The following ATP11B variants were observed in gnomAD, a reference collection of about 807,000 sequenced individuals.
The protein encoded by ATP11B is phospholipid-transporting ATPase IF.
In ATP11B, 81 loss-of-function variants were observed where a neutral mutation model predicts 157.8. That is an observed-to-expected ratio of 0.51 (90% CI 0.43 to 0.62). The LOEUF (loss-of-function observed/expected upper bound fraction) is 0.62, where lower values mean the gene tolerates loss of function less well. Ranked by LOEUF, ATP11B falls within the 20% of genes least tolerant of loss-of-function variation. The probability of loss-of-function intolerance (pLI) is 0.00; values close to 1 mark genes in which losing one functional copy is unlikely to be tolerated. For synonymous variants in ATP11B, 451 were observed against 469.4 expected (o/e 0.96, Z 0.51); for missense variants, 1,165 against 1,402.2 (o/e 0.83, Z 2.70).
intron 1 of ATP11B, among the ~76,000 whole-genome samples, chr3:182,819,618 A>G (rs1317484406): frequency 1.3e-5 from 2 of 152,216 alleles, no homozygotes; most frequent in Non-Finnish European, 2.9e-5. Flanking sequence ...TCTCTATTTC[A>G]GTAAGTCAAT....
chr3:182,861,056 A>G (rs1720793080), intron 12 of ATP11B, among the ~76,000 whole-genome samples: 1 of 143,182 alleles, frequency 7.0e-6, no homozygotes, highest in African/African-American at 2.6e-5. Context: ...CAACACAAAA[A>G]CAATAATACT....
At chr3:182,858,665 T>G (rs1012251757) in intron 11 of ATP11B, among the ~76,000 whole-genome samples, 3 of 152,170 alleles carry the variant, frequency 2.0e-5, no homozygotes, top group Admixed American at 6.5e-5. Flanking sequence ...TATTGAAATA[T>G]GGAGCCGCTA....
In ATP11B at chr3:182,920,422, T is replaced by C. The variant is rs576436640; in HGVS notation, c.*2318T>C. ...GCAGTCTGCAAGCTTTCAGTAGTTTTCTAGTGCTATATTCATCCTGTAAAA... is the reference window on the plus strand; with the variant it reads ...GCAGTCTGCAAGCTTTCAGTAGTTTCCTAGTGCTATATTCATCCTGTAAAA... On this transcript the variant is annotated 3_prime_UTR_variant, in exon 30 of 30. Transcript: ENST00000323116. 2.6e-5 allele frequency: 4 copies of C among 152,310 alleles called. No individual in the cohort carries two copies. The highest frequency in any genetic ancestry group is 3.9e-4 in the East Asian group (2 of 5,186). The allele number at this position is 152,310 out of a possible 1,614,324, so 9.4% of individuals were successfully genotyped here. A position where few individuals can be genotyped will look rare whatever the true frequency, so the allele number is the denominator to read the frequency against.
intron 10 of ATP11B, among the ~76,000 whole-genome samples, chr3:182,854,800 C>CT (rs1720252459): frequency 7.5e-6 from 1 of 132,882 alleles, no homozygotes; most frequent in Non-Finnish European, 1.6e-5. Flanking sequence ...CACACACACA[C>CT]CTGCCTACAA....
rs76412490 is a variant in ATP11B at position 182,852,294 on chromosome 3, A to G, written c.851+3737A>G. Among the ~76,000 whole-genome samples, 1,426 of 152,374 alleles carry G rather than the reference A, an allele frequency of 9.4e-3. 11 individuals carry two copies. The highest frequency in any genetic ancestry group is 0.015 in the Non-Finnish European group (1,019 of 68,036). On this transcript the variant is annotated intron_variant, in intron 10 of 29. Transcript: ENST00000323116. ...CCAGCTTAGAGGGAAATTTCTAGCT[A>G]TAAAGTTGACAAATTCCTGCTGAGA...
chr3:182,881,399 A>G (rs1195126354), intron 21 of ATP11B, among the ~76,000 whole-genome samples: 1 of 151,992 alleles, frequency 6.6e-6, no homozygotes, highest in Admixed American at 6.6e-5. Context: ...GAGGCAGGAG[A>G]ATTGCTTGAA....
At position 182,826,144 on chromosome 3, in the gene ATP11B, A is replaced by G. The variant is rs546726154; in HGVS notation, c.145-1976A>G. ...TACTAGAGTTCTCCCTCTCTATACAATAGGACAAGCACAGAATTTAGACTC... is the reference window on the plus strand; with the variant it reads ...TACTAGAGTTCTCCCTCTCTATACAGTAGGACAAGCACAGAATTTAGACTC... On this transcript the variant is annotated intron_variant, in intron 2 of 29. Coordinates refer to ENST00000323116, the MANE Select transcript of ATP11B (RefSeq NM_014616.3). Among the ~76,000 whole-genome samples the G allele has an allele frequency of 4.8e-4, 73 of 152,330 alleles. 1 individual carries two copies. Among genetic ancestry groups the G allele is most frequent in the African/African-American group, 1.8e-3 (73 of 41,572 alleles).
At chr3:182,852,031 A>G (rs946375080) in intron 10 of ATP11B, among the ~76,000 whole-genome samples, 2 of 152,244 alleles carry the variant, frequency 1.3e-5, no homozygotes, top group Admixed American at 1.3e-4. Context: ...TAGACAGATC[A>G]TATGATGTGC....
intron 10 of ATP11B, among the ~76,000 whole-genome samples, chr3:182,853,676 A>T (rs1720156828): frequency 6.6e-6 from 1 of 152,236 alleles, no homozygotes; most frequent in Non-Finnish European, 1.5e-5. Context: ...AACTAAATAA[A>T]TGGAGAAATC....
At chr3:182,810,072 C>T in intron 1 of ATP11B, among the ~76,000 whole-genome samples, 1 of 152,216 alleles carries the variant, frequency 6.6e-6, no homozygotes, top group Middle Eastern at 3.4e-3. Flanking sequence ...CAGCCGGTCA[C>T]GGTGGCTCAT....
At position 182,874,024 on chromosome 3, in the gene ATP11B, A is replaced by G. The variant is rs892725751; in HGVS notation, c.2252+9A>G. 12 of 1,611,902 alleles carry G rather than the reference A, an allele frequency of 7.4e-6. 1 individual carries two copies. The highest frequency in any genetic ancestry group is 4.5e-5 in the East Asian group (2 of 44,804). ...AGGCAGCTTGCCAGAAGGTAAGAAT[A>G]TAGGAACCTGTATCATACCTTTCAG... On this transcript the variant is annotated intron_variant, in intron 19 of 29. Transcript: ENST00000323116.
At chr3:182,856,294 TTAAA>T (rs1316147347) in intron 10 of ATP11B, among the ~76,000 whole-genome samples, 2 of 152,148 alleles carry the variant, frequency 1.3e-5, no homozygotes, top group African/African-American at 2.4e-5. Flanking sequence ...AGTTTTAAAT[TTAAA>T]TAAGGGAAAG....
intron 21 of ATP11B, among the ~76,000 whole-genome samples, chr3:182,884,030 T>C (rs1176670569): frequency 6.6e-6 from 1 of 152,154 alleles, no homozygotes; most frequent in Admixed American, 6.5e-5. Context: ...CAGGTTTTTT[T>C]CATCGCTTAT....
chr3:182,869,529 A>G (rs1721495185), intron 17 of ATP11B, among the ~76,000 whole-genome samples, 198 bp downstream of exon 17: 1 of 152,216 alleles, frequency 6.6e-6, no homozygotes, highest in Non-Finnish European at 1.5e-5. Context: ...CCTACTCTAC[A>G]GTCGGGGCAT....
At chr3:182,843,641 A>G (rs898513460) in intron 8 of ATP11B, 8 of 152,214 alleles carry the variant, frequency 5.3e-5, no homozygotes, top group Admixed American at 3.3e-4. Flanking sequence ...GTTCAAAGAC[A>G]TGCTGATAGG....
intron 23 of ATP11B, 96 bp from the exon 24 acceptor site, chr3:182,887,490 A>G (rs779103982): frequency 3.7e-6 from 4 of 1,071,558 alleles, no homozygotes; most frequent in Non-Finnish European, 5.2e-6. Flanking sequence ...TAAATTTTTA[A>G]AACTTTAATT....
At chr3:182,889,693 ATAAT>A (rs1723048603) in intron 25 of ATP11B, 145 bp downstream of exon 25, 2 of 755,656 alleles carry the variant, frequency 2.6e-6, no homozygotes, top group South Asian at 4.5e-5. Flanking sequence ...TTGTGGTTAA[ATAAT>A]AAAGTTTCAT....
chr3:182,832,077 C>A (rs2108507428), intron 4 of ATP11B, among the ~76,000 whole-genome samples: 1 of 152,142 alleles, frequency 6.6e-6, no homozygotes, highest in East Asian at 1.9e-4. Flanking sequence ...CTGCATTTAA[C>A]TGGAATATGA....
intron 17 of ATP11B, among the ~76,000 whole-genome samples, chr3:182,871,343 G>C (rs1408484400): frequency 6.6e-6 from 1 of 152,178 alleles, no homozygotes; most frequent in African/African-American, 2.4e-5. Context: ...TGAGGAAAAT[G>C]CATGTAGCAA....
Sources: gnomAD v4.1 joint callset for allele counts (sites outside exome capture counted in the v4.1 genomes callset) on GRCh38, gnomAD v4.1.1 for gene constraint, MANE v1.5 for transcripts, NCBI Gene and HGNC (gene_info 2026-07-23, HGNC 2026-07-21) for gene names.